Variants in ITCH observed in about 807,000 individuals in gnomAD.
ITCH encodes the protein itchy E3 ubiquitin protein ligase, also known as E3 ubiquitin-protein ligase Itchy homolog.
ITCH carries 28 observed loss-of-function variants against 126.8 expected under a neutral mutation model. That is an observed-to-expected ratio of 0.22 (90% CI 0.16 to 0.30). The LOEUF (loss-of-function observed/expected upper bound fraction) is 0.30. Among genes scored for constraint, ITCH ranks in the 10% least tolerant of loss-of-function variants. ITCH has a pLI of 1.00. For missense variants in ITCH, 631 were observed against 1,032.4 expected, an observed-to-expected ratio of 0.61 and a Z score of 5.33; for synonymous variants, 342 against 340.0, an observed-to-expected ratio of 1.01 and a Z score of -0.06.
chr20:34,426,786 G>GT (rs1457855674), intron 7 of ITCH, among the ~76,000 whole-genome samples: 1 of 145,432 alleles, frequency 6.9e-6, no homozygotes, highest in Non-Finnish European at 1.5e-5. Flanking sequence ...TTTTTTTTTT[G>GT]TTTTTTGAGG....
intron 5 of ITCH, among the ~76,000 whole-genome samples, 161 bp downstream of exon 5, chr20:34,412,800 C>A (rs149531415): frequency 1.3e-3 from 202 of 152,158 alleles, no homozygotes; most frequent in Non-Finnish European, 2.5e-3. Flanking sequence ...TGAAAGTATT[C>A]TGAGTAACCT....
chr20:34,428,892 G>A (rs1981913493), intron 7 of ITCH, among the ~76,000 whole-genome samples: 1 of 152,018 alleles, frequency 6.6e-6, no homozygotes, highest in Non-Finnish European at 1.5e-5. Flanking sequence ...GTGGAATAGG[G>A]GAACAAAGTT....
At chr20:34,476,896 A>C (rs1988282728) in intron 16 of ITCH, 1 of 152,382 alleles carries the variant, frequency 6.6e-6, no homozygotes, top group Admixed American at 6.5e-5. Context: ...ACGTGGCAGG[A>C]AACCAAATGA....
chr20:34,480,107 C>G (rs1215387991), intron 18 of ITCH, among the ~76,000 whole-genome samples: 1 of 151,856 alleles, frequency 6.6e-6, no homozygotes, highest in African/African-American at 2.4e-5. Context: ...CTATGTTGGC[C>G]AGGCTGGTCT....
chr20:34,379,894 GCCC>G (rs138821902), intron 2 of ITCH, among the ~76,000 whole-genome samples: 1 of 98,206 alleles, frequency 1.0e-5, no homozygotes, highest in Non-Finnish European at 1.9e-5. Flanking sequence ...ACTGCACCCG[GCCC>G]CCCCCCCCCT....
chr20:34,406,992 A>G (rs192556844), intron 3 of ITCH, among the ~76,000 whole-genome samples: 64 of 152,234 alleles, frequency 4.2e-4, no homozygotes, highest in South Asian at 2.9e-3. Context: ...CCTTGGTTGT[A>G]GTTACCTCAT....
intron 22 of ITCH, 103 bp downstream of exon 22, chr20:34,490,029 A>G (rs1263495467): frequency 3.9e-6 from 3 of 770,002 alleles, no homozygotes; most frequent in East Asian, 2.6e-5. Flanking sequence ...ACCAGTGTAT[A>G]TAGACCCCTT....
chr20:34,484,419 C>G (rs968860374), intron 20 of ITCH, among the ~76,000 whole-genome samples: 7 of 152,086 alleles, frequency 4.6e-5, no homozygotes, highest in African/African-American at 1.4e-4. Flanking sequence ...ACAATCTATC[C>G]TTTTAAAAGT....
intron 10 of ITCH, among the ~76,000 whole-genome samples, chr20:34,444,451 C>G (rs899954125): frequency 2.0e-4 from 31 of 152,014 alleles, no homozygotes; most frequent in Admixed American, 5.9e-4. Flanking sequence ...AGTGTGATGA[C>G]GCATGCCTGT....
intron 22 of ITCH, among the ~76,000 whole-genome samples, chr20:34,491,580 A>T (rs555632186): frequency 1.7e-4 from 8 of 47,696 alleles, no homozygotes; most frequent in East Asian, 1.1e-3. Flanking sequence ...TTAAAAAATT[A>T]AAAAAATCTG....
chr20:34,414,758 G>A (rs748854378), intron 6 of ITCH, among the ~76,000 whole-genome samples: 1 of 152,100 alleles, frequency 6.6e-6, no homozygotes, highest in Non-Finnish European at 1.5e-5. Flanking sequence ...GGGATTACAG[G>A]CGTGAGCCAC....
chr20:34,466,192 C>A, intron 14 of ITCH: 1 of 280,372 alleles, frequency 3.6e-6, no homozygotes, highest in Non-Finnish European at 7.1e-6. Flanking sequence ...TTTTTCCCCC[C>A]CTCATTCTGT....
In ITCH at chr20:34,479,528, C is replaced by T. The variant is rs945034567; in HGVS notation, c.1659-102C>T. ...AATCAACATGAGATTAGAAAACTAT[C>T]ACTAGCTGAGGGGTATAGATCCCTG... On this transcript the variant is annotated intron_variant, in intron 17 of 24. Coordinates refer to ENST00000374864, the MANE Select transcript of ITCH (RefSeq NM_031483.7). 13 of 873,482 alleles carry T rather than the reference C, an allele frequency of 1.5e-5. No homozygotes were observed. The African/African-American group carries it at 2.0e-4, about 14-fold the overall frequency. The allele number at this position is 873,482 out of a possible 1,614,324, so 54.1% of individuals were successfully genotyped here. A position where few individuals can be genotyped will look rare whatever the true frequency, so the allele number is the denominator to read the frequency against.
chr20:34,376,661 G>C (rs939188786), intron 2 of ITCH, among the ~76,000 whole-genome samples: 45 of 152,014 alleles, frequency 3.0e-4, no homozygotes, highest in Admixed American at 3.0e-3. Flanking sequence ...CCTGGTAATA[G>C]GCAAAAGTTT....
At chr20:34,423,026 C>A (rs866050435) in intron 6 of ITCH, among the ~76,000 whole-genome samples, 20 of 152,184 alleles carry the variant, frequency 1.3e-4, no homozygotes, top group South Asian at 2.1e-4. Context: ...AGTTCCTGAC[C>A]TCAGGCAATC....
intron 6 of ITCH, among the ~76,000 whole-genome samples, chr20:34,420,637 T>C (rs895589098): frequency 5.9e-5 from 9 of 152,212 alleles, no homozygotes; most frequent in African/African-American, 1.7e-4. Flanking sequence ...TTTGATAGTT[T>C]CTCATTTCTT....
chr20:34,389,998 G>A (rs2038425831), intron 2 of ITCH, among the ~76,000 whole-genome samples: 2 of 152,096 alleles, frequency 1.3e-5, no homozygotes, highest in African/African-American at 4.8e-5. Context: ...GTGGGTGCCT[G>A]TAGTCCCAGC....
intron 16 of ITCH, among the ~76,000 whole-genome samples, 165 bp downstream of exon 16, chr20:34,471,680 G>A (rs1354134453): frequency 2.2e-5 from 1 of 45,372 alleles, no homozygotes; most frequent in Non-Finnish European, 5.4e-5. Flanking sequence ...AGGGGTGTGT[G>A]TGTGTGTGTG....
At chr20:34,497,111 C>G (rs534278857) in intron 23 of ITCH, among the ~76,000 whole-genome samples, 11 of 152,082 alleles carry the variant, frequency 7.2e-5, no homozygotes, top group African/African-American at 1.9e-4. Flanking sequence ...ATTCTCTTGC[C>G]TTAGCCTCCT....
Sources: gnomAD v4.1 joint callset for allele counts (sites outside exome capture counted in the v4.1 genomes callset) on GRCh38, gnomAD v4.1.1 for gene constraint, MANE v1.5 for transcripts, NCBI Gene and HGNC (gene_info 2026-07-23, HGNC 2026-07-21) for gene names.